The following RMND1 variants were observed in gnomAD, a reference collection of about 807,000 sequenced individuals.
RMND1 encodes required for meiotic nuclear division protein 1 homolog.
A neutral mutation model predicts 54.0 loss-of-function variants in RMND1; 41 were observed. The observed-to-expected ratio is 0.76, with a 90% CI of 0.59 to 0.98. RMND1 has a LOEUF of 0.98. RMND1 is among the 50% of genes least tolerant of loss of function. The pLI, the probability that RMND1 is intolerant of heterozygous loss-of-function variation, is 0.00. For missense variants in RMND1, 457 were observed against 532.0 expected (o/e 0.86, Z 1.39); for synonymous variants, 183 against 181.7 (o/e 1.01, Z -0.06).
At chr6:151,446,088 T>G (rs1562801426) in intron 1 of RMND1, 2 of 350,538 alleles carry the variant, frequency 5.7e-6, no homozygotes, top group African/African-American at 4.2e-5. Flanking sequence ...AAAATAGTGA[T>G]GGGACCACTT....
rs1037315487 is a variant in RMND1, at chr6:151,452,109, G to C, written c.-108C>G. ...GCCGCACCCCCAGCCTCTCACTACT[G>C]CAGCCAACCCATCTCCTGGAAGGGC... is the stretch of plus-strand genomic sequence containing the variant. On this transcript the variant is annotated 5_prime_UTR_variant, in exon 1 of 12. Coordinates refer to ENST00000444024, the MANE Select transcript of RMND1 (RefSeq NM_017909.4). The C allele has an allele frequency of 4.7e-5, 9 of 193,296 alleles. No individual in the cohort carries two copies. The highest frequency in any genetic ancestry group is 8.7e-5 in the Non-Finnish European group (8 of 92,426). The allele number at this position is 193,296 out of a possible 1,614,324, so 12.0% of individuals were successfully genotyped here. A position where few individuals can be genotyped will look rare whatever the true frequency, so the allele number is the denominator to read the frequency against.
intron 10 of RMND1, among the ~76,000 whole-genome samples, chr6:151,415,792 CAAAAAAA>C (rs3029408): frequency 3.2e-5 from 3 of 93,754 alleles, no homozygotes; most frequent in Non-Finnish European, 4.4e-5. Flanking sequence ...GACTCCGTCT[CAAAAAAA>C]AAAAAAAAAA....
chr6:151,409,147 T>C lies in RMND1; in HGVS notation c.1201-3311A>G, dbSNP rs1365750189. On this transcript the variant is annotated intron_variant, in intron 10 of 11. Transcript: ENST00000444024. ...AGGTCCAGTCTGGAGACTGAGAGAGTCAAGAAGGAATCAGACAAGTCCAGG... is the reference window on the plus strand; with the variant it reads ...AGGTCCAGTCTGGAGACTGAGAGAGCCAAGAAGGAATCAGACAAGTCCAGG... 4.0e-5 allele frequency among the ~76,000 whole-genome samples: 6 copies of C among 151,206 alleles called. No homozygotes were observed. The South Asian group carries it at 1.0e-3, about 26-fold the overall frequency.
chr6:151,405,406 A>C lies in RMND1; in HGVS notation c.1318-139T>G, dbSNP rs542737822. ...CCCTTTCTCACGTGGCAACCTATGAATTGGAGGTACGGGTGCTTGATTTGA... is the reference window on the plus strand; with the variant it reads ...CCCTTTCTCACGTGGCAACCTATGACTTGGAGGTACGGGTGCTTGATTTGA... On this transcript the variant is annotated intron_variant, in intron 11 of 11. Transcript: ENST00000444024. 3.9e-4 allele frequency: 297 copies of C among 757,190 alleles called. 5 individuals carry two copies. In the South Asian group the frequency reaches 4.9e-3, roughly 12 times the overall value. The allele number at this position is 757,190 out of a possible 1,614,324, so 46.9% of individuals were successfully genotyped here.
At position 151,405,203 on chromosome 6, in the gene RMND1, T is replaced by C. The variant is rs766622141; in HGVS notation, c.*32A>G. The C allele has an allele frequency of 1.3e-6, 2 of 1,594,364 alleles. No individual in the cohort carries two copies. Among genetic ancestry groups the C allele is most frequent in the African/African-American group, 2.7e-5 (2 of 74,380 alleles). ...AATTTTTGATTGTAGAACTTGAATA[T>C]CTCTTGCAGTGACACTTTGGTTATC... On this transcript the variant is annotated 3_prime_UTR_variant, in exon 12 of 12. Transcript: ENST00000444024.
chr6:151,436,575 T>C (rs1311623521), intron 2 of RMND1, 21 bp from the exon 3 acceptor site: 1 of 1,611,812 alleles, frequency 6.2e-7, no homozygotes, highest in Non-Finnish European at 8.5e-7. Context: ...GAAATGAGCA[T>C]AACATGGGTT....
chr6:151,444,193 A>G (rs1406420729), intron 2 of RMND1, among the ~76,000 whole-genome samples: 2 of 152,242 alleles, frequency 1.3e-5, no homozygotes, highest in African/African-American at 4.8e-5. Context: ...CAAATGAACA[A>G]AGTGAGTTGA....
Position 151,445,365 on chromosome 6 carries a change from T to C in RMND1, c.447A>G (p.Lys149=), listed in dbSNP as rs61739876. The change falls in exon 2 of 12, where the codon AAA becomes AAG. Residue 149 remains lysine, a synonymous_variant. Coordinates refer to ENST00000444024, the MANE Select transcript of RMND1 (RefSeq NM_017909.4). Reference sequence around the variant, plus strand: ...TGGATGGCTGTCTGGTCCTGGATGCTTTTAGTGGTCTCTTCACCTGTGGGA... The same window carrying C: ...TGGATGGCTGTCTGGTCCTGGATGCCTTTAGTGGTCTCTTCACCTGTGGGA... ...QDFPQVKRPL[K]ASRTRQPSRT... 36,110 of 1,613,884 alleles carry C rather than the reference T, an allele frequency of 0.022. 3,369 individuals carry two copies. The African/African-American group carries it at 0.29, about 13-fold the overall frequency.
intron 3 of RMND1, among the ~76,000 whole-genome samples, 190 bp from the exon 4 acceptor site, chr6:151,433,420 A>G (rs947426372): frequency 4.6e-5 from 7 of 152,170 alleles, no homozygotes; most frequent in Non-Finnish European, 8.8e-5. Flanking sequence ...AAATACGACC[A>G]CCAAAAAAAG....
chr6:151,434,492 C>T (rs932917681), intron 3 of RMND1, among the ~76,000 whole-genome samples: 11 of 151,370 alleles, frequency 7.3e-5, no homozygotes, highest in East Asian at 1.9e-4. Flanking sequence ...AAAATAAAAT[C>T]GACTGAAACA....
Position 151,430,118 on chromosome 6 carries a change from A to C in RMND1, c.729+20T>G. 6.5e-7 allele frequency: 1 copy of C among 1,535,064 alleles called. No homozygotes were observed. The highest frequency in any genetic ancestry group is 9.0e-7 in the Non-Finnish European group (1 of 1,114,000). On this transcript the variant is annotated intron_variant, in intron 5 of 11. Transcript: ENST00000444024. ...CACAAAACTAAATTTTTATATTTTCACATTTTTATTTACACTTACAGTTTT... is the reference window on the plus strand; with the variant it reads ...CACAAAACTAAATTTTTATATTTTCCCATTTTTATTTACACTTACAGTTTT...
intron 2 of RMND1, among the ~76,000 whole-genome samples, chr6:151,439,891 C>A (rs1193191230): frequency 6.6e-6 from 1 of 152,038 alleles, no homozygotes; most frequent in African/African-American, 2.4e-5. Flanking sequence ...AACTCCCGAC[C>A]TCATCTGATC....
Position 151,419,671 on chromosome 6 carries a change from T to TAA in RMND1, c.1079+1572_1079+1573dup, listed in dbSNP as rs11295311. On this transcript the variant is annotated intron_variant, in intron 9 of 11. Coordinates refer to ENST00000444024, the MANE Select transcript of RMND1 (RefSeq NM_017909.4). ...TCTGGGTGACAAGCAAGACCCTGTTTAAAAAAAAAAAAAAAAAAAGTAACA... is the reference window on the plus strand; with the variant it reads ...TCTGGGTGACAAGCAAGACCCTGTTTAAAAAAAAAAAAAAAAAAAAAGTAACA... Among the ~76,000 whole-genome samples, 336 of 117,082 alleles carry TAA rather than the reference T, an allele frequency of 2.9e-3. 1 individual carries two copies. Among genetic ancestry groups the TAA allele is most frequent in the African/African-American group, 0.011 (318 of 29,950 alleles). 76.8% of individuals were successfully genotyped at this position (117,082 alleles called of 152,430 possible).
At chr6:151,416,420 C>CT (rs10557273) in intron 10 of RMND1, among the ~76,000 whole-genome samples, 1,110 of 93,720 alleles carry the variant, frequency 0.012, 43 homozygotes, top group Middle Eastern at 0.049. Flanking sequence ...ATCACTACAG[C>CT]TTTTTTTTTT....
At chr6:151,449,035 T>C (rs1222998722) in intron 1 of RMND1, among the ~76,000 whole-genome samples, 1 of 114,024 alleles carries the variant, frequency 8.8e-6, no homozygotes, top group African/African-American at 3.6e-5. Context: ...CACTCCAGAA[T>C]GAGCAACAAA....
At chr6:151,439,747 C>T (rs1202277540) in intron 2 of RMND1, among the ~76,000 whole-genome samples, 1 of 152,146 alleles carries the variant, frequency 6.6e-6, no homozygotes, top group Non-Finnish European at 1.5e-5. Flanking sequence ...ACAACCTCTG[C>T]CTCCCCGGTT....
chr6:151,416,257 G>A (rs1780003224), intron 10 of RMND1, among the ~76,000 whole-genome samples: 1 of 151,846 alleles, frequency 6.6e-6, no homozygotes, highest in African/African-American at 2.4e-5. Context: ...TGGGGTTACA[G>A]GCATGAGCCA....
intron 10 of RMND1, among the ~76,000 whole-genome samples, chr6:151,408,094 G>T (rs1363326039): frequency 6.6e-6 from 1 of 152,072 alleles, no homozygotes; most frequent in Non-Finnish European, 1.5e-5. Context: ...GGATGCTGGT[G>T]GGGTTATTGG....
chr6:151,421,516 T>C (rs975153749), intron 8 of RMND1, among the ~76,000 whole-genome samples, 195 bp from the exon 9 acceptor site: 4 of 152,182 alleles, frequency 2.6e-5, no homozygotes, highest in Non-Finnish European at 5.9e-5. Flanking sequence ...TTGTATATTC[T>C]CTTTTTTCAT....
Sources: allele counts gnomAD v4.1 joint callset (sites outside exome capture counted in the v4.1 genomes callset), GRCh38; gene constraint gnomAD v4.1.1; transcripts MANE v1.5; gene names NCBI Gene and HGNC (gene_info 2026-07-23, HGNC 2026-07-21).